The following ZNF780B variants were observed in gnomAD, a reference collection of about 807,000 sequenced individuals.
ZNF780B encodes zinc finger protein 779.
A neutral mutation model predicts 74.1 loss-of-function variants in ZNF780B; 52 were observed. That is an observed-to-expected ratio of 0.70 (90% CI 0.56 to 0.88). ZNF780B has a LOEUF of 0.88. ZNF780B is among the 40% of genes least tolerant of loss of function. The pLI is 0.00. For synonymous variants in ZNF780B, 315 were observed against 324.3 expected (o/e 0.97, Z 0.31); for missense variants, 953 against 1,007.6 (o/e 0.95, Z 0.73).
intron 2 of ZNF780B, 89 bp from the exon 3 acceptor site, chr19:40,048,885 A>G: frequency 6.3e-7 from 1 of 1,574,842 alleles, no homozygotes; most frequent in Non-Finnish European, 8.6e-7. Flanking sequence ...AACTGCAATA[A>G]AGGAGCAATA....
At position 40,035,760 on chromosome 19, in the gene ZNF780B, C is replaced by T. The variant is rs373813793; in HGVS notation, c.1099G>A (p.Gly367Arg). ...TGATTGAGGAGACTAAAGGCCTTCC[C>T]GCATTCCCTGCATTCAAAGGGCTTC... ...GEKPFECREC[G>R]KAFSLLNQLN... Residue 367 changes from glycine to arginine, a missense_variant, in exon 5 of 5, where the codon GGG becomes AGG. Coordinates refer to ENST00000434248, the MANE Select transcript of ZNF780B (RefSeq NM_001005851.3). 43 of 1,614,036 alleles carry T rather than the reference C, an allele frequency of 2.7e-5. No individual in the cohort carries two copies. In the Admixed American group the frequency reaches 4.0e-4, roughly 15 times the overall value.
chr19:40,048,134 A>G (rs955148553), intron 3 of ZNF780B, among the ~76,000 whole-genome samples: 4 of 152,184 alleles, frequency 2.6e-5, no homozygotes. Flanking sequence ...TATGTAAATC[A>G]TTGAGGCTCT....
chr19:40,042,396 C>T (rs1372477322), intron 4 of ZNF780B, among the ~76,000 whole-genome samples: 2 of 152,088 alleles, frequency 1.3e-5, no homozygotes, highest in African/African-American at 4.8e-5. Context: ...TTGCTCTTCT[C>T]GAGGAGTATC....
Position 40,035,430 on chromosome 19 carries a change from C to G in ZNF780B, c.1429G>C (p.Glu477Gln), listed in dbSNP as rs777388338. 3 of 1,614,158 alleles carry G rather than the reference C, an allele frequency of 1.9e-6. No homozygotes were observed. Among genetic ancestry groups the G allele is most frequent in the Middle Eastern group, 1.6e-4 (1 of 6,062 alleles). The stretch of plus-strand genomic sequence containing the variant: ...AGAAGACTAAAGGCCTTTCCACATT[C>G]TTTACATTCAAAGGGTTTCCCACCA... ...HTGGKPFECK[E>Q]CGKAFSLLTQ... Residue 477 changes from glutamate (E) to glutamine (Q), a missense_variant, in exon 5 of 5, where the codon GAA becomes CAA. By Grantham distance (29) the Glu-to-Gln change is conservative. Transcript: ENST00000434248.
chr19:40,040,908 C>A (rs2144757357), intron 4 of ZNF780B, among the ~76,000 whole-genome samples: 1 of 152,244 alleles, frequency 6.6e-6, no homozygotes, highest in Non-Finnish European at 1.5e-5. Context: ...GTCTCTATTT[C>A]CTTCAGTTCT....
intron 3 of ZNF780B, among the ~76,000 whole-genome samples, 193 bp from the exon 4 acceptor site, chr19:40,047,663 G>A (rs1169223823): frequency 6.7e-6 from 1 of 149,648 alleles, no homozygotes; most frequent in Non-Finnish European, 1.5e-5. Context: ...ACTCATAATA[G>A]AAACTTATCC....
intron 4 of ZNF780B, 72 bp from the exon 5 acceptor site, chr19:40,036,698 A>C: frequency 1.1e-6 from 1 of 930,570 alleles, no homozygotes; most frequent in African/African-American, 1.7e-5. Flanking sequence ...CCATTAAACA[A>C]ATGGCCTAAG....
At position 40,050,261 on chromosome 19, in the gene ZNF780B, T is replaced by C. The variant is rs1448047011; in HGVS notation, c.9+63A>G. The C allele has an allele frequency of 5.1e-5, 57 of 1,123,860 alleles. No individual in the cohort carries two copies. In the Admixed American group the frequency reaches 7.4e-4, roughly 15 times the overall value. The allele number at this position is 1,123,860 out of a possible 1,614,324, so 69.6% of individuals were successfully genotyped here. On this transcript the variant is annotated intron_variant, in intron 2 of 4. Transcript: ENST00000434248. The stretch of plus-strand genomic sequence containing the variant: ...ACGTAAGAAGGTTCAGGTTTAATAA[T>C]AACAGTCACCTAACCTAACCTGAAA...
rs774539387 is a variant in ZNF780B, at chr19:40,034,757, T to C, written c.2102A>G (p.Glu701Gly). ...ATGATATCTAAAGGTCTTCCTACAC[T>C]CCTTACATACAAAGGGTTTCGCACT... ...HSSAKPFVCK[E>G]CRKTFRYHYQ... The change falls in exon 5 of 5, where the codon GAG becomes GGG. Residue 701 changes from glutamate (E) to glycine (G), a missense_variant. By Grantham distance (98) the Glu-to-Gly change is moderately conservative. Coordinates refer to ENST00000434248, the MANE Select transcript of ZNF780B (RefSeq NM_001005851.3). 1.2e-6 allele frequency: 2 copies of C among 1,613,924 alleles called. No homozygotes were observed. The highest frequency in any genetic ancestry group is 3.3e-5 in the Admixed American group (2 of 59,988).
At position 40,033,645 on chromosome 19, in the gene ZNF780B, T is replaced by C. The variant is rs1972093478; in HGVS notation, c.*712A>G. The stretch of plus-strand genomic sequence containing the variant: ...TCTCTGGTGTTGAGTAAATTTTTCA[T>C]ACACAGTGAAGGCTTGTCTACACTC... On this transcript the variant is annotated 3_prime_UTR_variant, in exon 5 of 5. Transcript: ENST00000434248. 2 of 153,994 alleles carry C rather than the reference T, an allele frequency of 1.3e-5. No individual in the cohort carries two copies. Among genetic ancestry groups the C allele is most frequent in the Admixed American group, 6.5e-5 (1 of 15,286 alleles). 9.5% of individuals were successfully genotyped at this position (153,994 alleles called of 1,614,324 possible). A position where few individuals can be genotyped will look rare whatever the true frequency, so the allele number is the denominator to read the frequency against.
At chr19:40,045,141 G>A (rs1048917499) in intron 4 of ZNF780B, among the ~76,000 whole-genome samples, 1 of 152,176 alleles carries the variant, frequency 6.6e-6, no homozygotes, top group Admixed American at 6.5e-5. Context: ...AATTCAGCAA[G>A]AGAATATAAC....
chr19:40,049,968 C>T (rs1162960047), intron 2 of ZNF780B, among the ~76,000 whole-genome samples: 5 of 151,972 alleles, frequency 3.3e-5, no homozygotes, highest in African/African-American at 1.2e-4. Flanking sequence ...GAGGCCAAGG[C>T]AGGGGGATCA....
chr19:40,037,718 A>G (rs893389894), intron 4 of ZNF780B, among the ~76,000 whole-genome samples: 2 of 152,178 alleles, frequency 1.3e-5, no homozygotes, highest in African/African-American at 4.8e-5. Flanking sequence ...AAAACTTCCT[A>G]TCAGGGCACT....
intron 3 of ZNF780B, 145 bp downstream of exon 3, chr19:40,048,525 T>A: frequency 7.3e-7 from 1 of 1,361,334 alleles, no homozygotes; most frequent in South Asian, 1.3e-5. Flanking sequence ...GTGCCTGTTT[T>A]CAACCCAACA....
chr19:40,038,820 C>T (rs1437023478), intron 4 of ZNF780B, among the ~76,000 whole-genome samples: 3 of 150,680 alleles, frequency 2.0e-5, no homozygotes, highest in Non-Finnish European at 3.0e-5. Flanking sequence ...AGCCCTTTGT[C>T]AGATGAGTAG....
intron 4 of ZNF780B, among the ~76,000 whole-genome samples, chr19:40,042,484 TC>T (rs1402170667): frequency 1.3e-5 from 2 of 152,234 alleles, no homozygotes; most frequent in Non-Finnish European, 2.9e-5. Context: ...CTGGATAATA[TC>T]CTGCAGAGTG....
At chr19:40,040,732 T>C (rs1348954065) in intron 4 of ZNF780B, among the ~76,000 whole-genome samples, 5 of 152,242 alleles carry the variant, frequency 3.3e-5, no homozygotes, top group Admixed American at 3.3e-4. Context: ...TGGTAGTTTG[T>C]ATTTCTGTGG....
Position 40,047,388 on chromosome 19 carries a change from G to A in ZNF780B, c.219C>T (p.Ser73=), listed in dbSNP as rs1972979469. 6.2e-7 allele frequency: 1 copy of A among 1,613,100 alleles called. No homozygotes were observed. Among genetic ancestry groups the A allele is most frequent in the Admixed American group, 1.7e-5 (1 of 59,964 alleles). ...ACTCTCACTTACCTGGATACCATCTGCTTGTTTCTTTACTTACAACAATCC... is the reference window on the plus strand; with the variant it reads ...ACTCTCACTTACCTGGATACCATCTACTTGTTTCTTTACTTACAACAATCC... ...EPWIVVSKET[S]RWYPDLESKY... is the part of the protein sequence containing the mutation. The change falls in exon 4 of 5, where the codon AGC becomes AGT. Residue 73 remains serine, a synonymous_variant. Coordinates refer to ENST00000434248, the MANE Select transcript of ZNF780B (RefSeq NM_001005851.3).
chr19:40,050,196 C>CA (rs74179712), intron 2 of ZNF780B, 128 bp downstream of exon 2: 27,786 of 389,022 alleles, frequency 0.071, 878 homozygotes, highest in African/African-American at 0.23. Context: ...GACTCCGTCT[C>CA]AAAAAAAAAA....
Sources: gnomAD v4.1 joint callset for allele counts (sites outside exome capture counted in the v4.1 genomes callset) on GRCh38, gnomAD v4.1.1 for gene constraint, MANE v1.5 for transcripts, NCBI Gene and HGNC (gene_info 2026-07-23, HGNC 2026-07-21) for gene names.